Variants in PPARGC1B observed in about 807,000 individuals in gnomAD.
PPARGC1B encodes PPARG coactivator 1 beta.
A neutral mutation model predicts 101.6 loss-of-function variants in PPARGC1B; 34 were observed. The ratio of observed to expected loss-of-function variants is 0.33; its 90% CI spans 0.25 to 0.45. PPARGC1B has a LOEUF of 0.45. Among genes scored for constraint, PPARGC1B ranks in the 20% least tolerant of loss-of-function variants. The pLI is 1.00. For synonymous variants in PPARGC1B, 548 were observed against 539.3 expected (o/e 1.02, Z -0.22); for missense variants, 1,234 against 1,317.6 (o/e 0.94, Z 0.98).
chr5:149,816,095 C>T (rs1317430597), intron 1 of PPARGC1B, among the ~76,000 whole-genome samples: 1 of 152,208 alleles, frequency 6.6e-6, no homozygotes, highest in East Asian at 1.9e-4. Context: ...AGAACTGGGC[C>T]ACTTGAAGCA....
intron 1 of PPARGC1B, among the ~76,000 whole-genome samples, chr5:149,742,604 G>A (rs1261040102): frequency 6.6e-6 from 1 of 152,154 alleles, no homozygotes; most frequent in East Asian, 1.9e-4. Context: ...ATATAAAAGA[G>A]CCAACACTTA....
At chr5:149,791,156 C>T (rs1241167140) in intron 1 of PPARGC1B, among the ~76,000 whole-genome samples, 1 of 143,700 alleles carries the variant, frequency 7.0e-6, no homozygotes, top group Admixed American at 7.3e-5. Flanking sequence ...CAGGTGCATG[C>T]CTGTAATCCC....
chr5:149,841,611 A>C (rs1759338799), intron 9 of PPARGC1B, among the ~76,000 whole-genome samples: 2 of 152,172 alleles, frequency 1.3e-5, no homozygotes, highest in Admixed American at 1.3e-4. Flanking sequence ...CGCAGGTCAG[A>C]GTGATTTGTC....
At chr5:149,823,060 C>T (rs144957910) in intron 2 of PPARGC1B, among the ~76,000 whole-genome samples, 130 of 152,320 alleles carry the variant, frequency 8.5e-4, no homozygotes, top group African/African-American at 3.1e-3. Context: ...GGGACGTTGC[C>T]TTCCATTTCT....
intron 7 of PPARGC1B, among the ~76,000 whole-genome samples, chr5:149,835,636 G>A (rs1185977171): frequency 1.3e-5 from 2 of 152,224 alleles, no homozygotes; most frequent in South Asian, 2.1e-4. Context: ...TTTTATCTGC[G>A]GTGCCTGCCC....
rs181583893 is a variant in PPARGC1B at position 149,853,352 on chromosome 5, G to T, written c.*5794G>T. 6.6e-6 allele frequency: 1 copy of T among 152,352 alleles called. No individual in the cohort carries two copies. Among genetic ancestry groups the T allele is most frequent in the Admixed American group, 6.5e-5 (1 of 15,300 alleles). 9.4% of individuals were successfully genotyped at this position (152,352 alleles called of 1,614,324 possible). The stretch of plus-strand genomic sequence containing the variant: ...GTTCAGAGATCAGTGCAACACTAGG[G>T]TCAGAAGACTCCAGAAGCAGCCACT... On this transcript the variant is annotated 3_prime_UTR_variant, in exon 12 of 12. Coordinates refer to ENST00000309241, the MANE Select transcript of PPARGC1B (RefSeq NM_133263.4). This position sits in a 1 kb window ranked among gnomAD's most constrained non-coding sequence, Gnocchi z 4.2.
intron 1 of PPARGC1B, among the ~76,000 whole-genome samples, chr5:149,793,489 C>T (rs1049661821): frequency 2.6e-5 from 4 of 152,150 alleles, no homozygotes; most frequent in African/African-American, 9.7e-5. Flanking sequence ...GTGCATCACA[C>T]CCCAGTTTCC....
In PPARGC1B at chr5:149,847,499, A is replaced by C. The variant is rs769204165; in HGVS notation, c.3013A>C (p.Lys1005Gln). 1.2e-5 allele frequency: 19 copies of C among 1,614,074 alleles called. No individual in the cohort carries two copies. The South Asian group carries it at 1.9e-4, about 16-fold the overall frequency. Residue 1005 changes from lysine to glutamine, a missense_variant, in exon 12 of 12, where the codon AAG (lysine) becomes CAG (glutamine). This residue lies in a region of PPARGC1B where 497 missense variants were observed against 529.5 expected (regional missense o/e 0.94). Coordinates refer to ENST00000309241, the MANE Select transcript of PPARGC1B (RefSeq NM_133263.4). Reference sequence around the variant, plus strand: ...GGCCCTTCCTGCGTCAGGGAAAAGCAAGTATGAAGCCATGGATTTTGACAG... The same window carrying C: ...GGCCCTTCCTGCGTCAGGGAAAAGCCAGTATGAAGCCATGGATTTTGACAG... ...EEALPASGKSKYEAMDFDSLL... is the reference protein window; with the variant it reads ...EEALPASGKSQYEAMDFDSLL...
chr5:149,732,909 C>T lies in PPARGC1B; in HGVS notation c.78+2489C>T, dbSNP rs149670568. ...AAGGCCTGAGTGGAGTCACCTTCCC[C>T]ACTCTCTGGCTGGGTGACCCCGGAG... is the stretch of plus-strand genomic sequence containing the variant. On this transcript the variant is annotated intron_variant, in intron 1 of 11. Coordinates refer to ENST00000309241, the MANE Select transcript of PPARGC1B (RefSeq NM_133263.4). 122 of 428,004 alleles carry T rather than the reference C, an allele frequency of 2.9e-4. 1 individual carries two copies. In the East Asian group the frequency reaches 5.5e-3, roughly 19 times the overall value. The allele number at this position is 428,004 out of a possible 1,614,324, so 26.5% of individuals were successfully genotyped here.
chr5:149,806,704 T>C (rs1388904508), intron 1 of PPARGC1B, among the ~76,000 whole-genome samples: 1 of 151,632 alleles, frequency 6.6e-6, no homozygotes, highest in African/African-American at 2.4e-5. Context: ...GCCTCCTGGG[T>C]TCCAGCGATT....
At chr5:149,841,704 C>T (rs777484655) in intron 9 of PPARGC1B, among the ~76,000 whole-genome samples, 18 of 152,168 alleles carry the variant, frequency 1.2e-4, no homozygotes, top group Non-Finnish European at 1.9e-4. Flanking sequence ...TCTCCCACCC[C>T]TTCCCTCTGC....
At position 149,836,892 on chromosome 5, in the gene PPARGC1B, G is replaced by A. The variant is rs777679108; in HGVS notation, c.2437G>A (p.Gly813Arg). Reference sequence around the variant, plus strand: ...CCTCCCAGAGGAGGAAGAGGAAGAAGGGGAGGAGGAGGAGGAGGACGATGA... The same window carrying A: ...CCTCCCAGAGGAGGAAGAGGAAGAAAGGGAGGAGGAGGAGGAGGACGATGA... Reference protein sequence around the residue: ...SFLPEEEEEEGEEEEEDDEEE... With the variant: ...SFLPEEEEEEREEEEEDDEEE... Residue 813 changes from glycine (G) to arginine (R), a missense_variant, in exon 8 of 12, where the codon GGG (glycine) becomes AGG (arginine). Gly to Arg is a moderately radical substitution (Grantham distance 125). Transcript: ENST00000309241. 2 of 1,613,120 alleles carry A rather than the reference G, an allele frequency of 1.2e-6. No individual in the cohort carries two copies. Among genetic ancestry groups the A allele is most frequent in the African/African-American group, 2.7e-5 (2 of 74,928 alleles).
chr5:149,756,585 G>A (rs865996783), intron 1 of PPARGC1B, among the ~76,000 whole-genome samples: 2 of 152,198 alleles, frequency 1.3e-5, no homozygotes, highest in East Asian at 1.9e-4. Flanking sequence ...CCCTGGCCTC[G>A]GGGACCAGCG....
intron 1 of PPARGC1B, among the ~76,000 whole-genome samples, chr5:149,787,212 T>G (rs563800148): frequency 6.6e-6 from 1 of 152,192 alleles, no homozygotes; most frequent in Non-Finnish European, 1.5e-5. Flanking sequence ...ACTCTTATTG[T>G]CTGGATTGGG....
chr5:149,790,422 C>T (rs1181503427), intron 1 of PPARGC1B, among the ~76,000 whole-genome samples: 1 of 152,106 alleles, frequency 6.6e-6, no homozygotes, highest in Non-Finnish European at 1.5e-5. Context: ...TGCACACCCT[C>T]CCTGTGCAGA....
intron 2 of PPARGC1B, among the ~76,000 whole-genome samples, chr5:149,824,800 T>C (rs1018091906): frequency 2.0e-5 from 3 of 152,158 alleles, no homozygotes; most frequent in African/African-American, 7.2e-5. Context: ...CGGGCCTCCA[T>C]CCCCAGGGCC....
chr5:149,848,930 T>C lies in PPARGC1B; in HGVS notation c.*1372T>C, dbSNP rs1318710337. On this transcript the variant is annotated 3_prime_UTR_variant, in exon 12 of 12. Coordinates refer to ENST00000309241, the MANE Select transcript of PPARGC1B (RefSeq NM_133263.4). ...TCCTCCAATTGAGAAAACACTCCAA[T>C]TGGGCTTTGCTTTAAACTTTGTGTT... The C allele has an allele frequency of 2.6e-5, 4 of 152,238 alleles. No homozygotes were observed. Among genetic ancestry groups the C allele is most frequent in the East Asian group, 3.8e-4 (2 of 5,200 alleles). 9.4% of individuals were successfully genotyped at this position (152,238 alleles called of 1,614,324 possible).
At chr5:149,768,109 T>C (rs907209763) in intron 1 of PPARGC1B, among the ~76,000 whole-genome samples, 3 of 152,112 alleles carry the variant, frequency 2.0e-5, no homozygotes, top group Admixed American at 1.3e-4. Context: ...CAGAAAACCC[T>C]GCTTCACAGG....
In PPARGC1B at chr5:149,842,232, C is replaced by G. The variant is rs372382272; in HGVS notation, c.2695-24C>G. The stretch of plus-strand genomic sequence containing the variant: ...AGGAAGCCAGGCAATGACGGAGTCT[C>G]TCTCTGTCCTCCTTCTTGGGCAGGG... On this transcript the variant is annotated intron_variant, in intron 9 of 11. Transcript: ENST00000309241. The G allele has an allele frequency of 2.5e-5, 41 of 1,610,276 alleles. No individual in the cohort carries two copies. In the African/African-American group the frequency reaches 5.2e-4, roughly 20 times the overall value.
Sources: allele counts gnomAD v4.1 joint callset (sites outside exome capture counted in the v4.1 genomes callset), GRCh38; gene constraint gnomAD v4.1.1; regional missense constraint gnomAD v4.1.1; non-coding constraint Gnocchi (gnomAD v3.1); transcripts MANE v1.5; gene names NCBI Gene and HGNC (gene_info 2026-07-23, HGNC 2026-07-21).